Variants in IGF1R observed in about 807,000 individuals in gnomAD.
IGF1R encodes the protein insulin-like growth factor 1 receptor.
A neutral mutation model predicts 144.6 loss-of-function variants in IGF1R; 44 were observed. The observed-to-expected ratio is 0.30, with a 90% CI of 0.24 to 0.39. The LOEUF (loss-of-function observed/expected upper bound fraction) is 0.39. Among genes scored for constraint, IGF1R ranks in the 10% least tolerant of loss-of-function variants. The pLI, the probability that IGF1R is intolerant of heterozygous loss-of-function variation, is 1.00. For synonymous variants in IGF1R, 795 were observed against 722.8 expected, an observed-to-expected ratio of 1.10 and a Z score of -1.60; for missense variants, 1,355 against 1,833.7, an observed-to-expected ratio of 0.74 and a Z score of 4.77.
At chr15:98,697,908 T>C (rs967449941) in intron 1 of IGF1R, among the ~76,000 whole-genome samples, 1 of 151,480 alleles carries the variant, frequency 6.6e-6, no homozygotes, top group African/African-American at 2.4e-5. Context: ...TGGCTAACTT[T>C]TGTATTGTTA....
At chr15:98,830,083 C>G (rs1172819201) in intron 2 of IGF1R, among the ~76,000 whole-genome samples, 1 of 152,202 alleles carries the variant, frequency 6.6e-6, no homozygotes, top group Non-Finnish European at 1.5e-5. Context: ...CCTGCTGTGT[C>G]CCAACCTGGA....
chr15:98,668,902 G>A (rs1596161357), intron 1 of IGF1R, among the ~76,000 whole-genome samples: 1 of 152,226 alleles, frequency 6.6e-6, no homozygotes, highest in East Asian at 1.9e-4. Flanking sequence ...AGAGCCCTCA[G>A]TAGTACTTTT....
chr15:98,830,750 T>C (rs2056987226), intron 2 of IGF1R, among the ~76,000 whole-genome samples: 1 of 152,060 alleles, frequency 6.6e-6, no homozygotes, highest in African/African-American at 2.4e-5. Flanking sequence ...ATTACAGGTG[T>C]GCGCCACCAC....
chr15:98,856,455 A>G (rs2011823765), intron 2 of IGF1R, among the ~76,000 whole-genome samples: 2 of 152,236 alleles, frequency 1.3e-5, no homozygotes, highest in African/African-American at 2.4e-5. Flanking sequence ...GCAATAGCAT[A>G]TGTAAAACAC....
chr15:98,841,379 A>AT (rs1193416168), intron 2 of IGF1R, among the ~76,000 whole-genome samples: 1 of 152,238 alleles, frequency 6.6e-6, no homozygotes, highest in Non-Finnish European at 1.5e-5. Flanking sequence ...AGTATGGAAA[A>AT]TAATTGCATC....
At chr15:98,818,762 G>A (rs1036061802) in intron 2 of IGF1R, among the ~76,000 whole-genome samples, 2 of 111,104 alleles carry the variant, frequency 1.8e-5, no homozygotes, top group Non-Finnish European at 3.5e-5. Context: ...CCCTAGTCAT[G>A]ACAATCAAAA....
intron 15 of IGF1R, among the ~76,000 whole-genome samples, chr15:98,933,419 C>T (rs1045510849): frequency 7.9e-5 from 12 of 152,116 alleles, no homozygotes; most frequent in Admixed American, 1.3e-4. Context: ...TCTCAGCTCC[C>T]AGTAGCCTCA....
rs147027099 is a variant in IGF1R at position 98,922,266 on chromosome 15, G to A, written c.2320G>A (p.Glu774Lys). The A allele has an allele frequency of 2.5e-6, 4 of 1,614,214 alleles. No individual in the cohort carries two copies. In the South Asian group the frequency reaches 3.3e-5, roughly 13 times the overall value. The change falls in exon 11 of 21, where the codon GAG becomes AAG. Residue 774 changes from glutamate to lysine, a missense_variant. Physicochemically the swap from Glu to Lys is moderately conservative, Grantham distance 56. This residue lies in a region of IGF1R where 880 missense variants were observed against 1,202.7 expected (regional missense o/e 0.73). Transcript: ENST00000650285. ...CACCGACCCGGAAGAGCTGGAGACA[G>A]AGTACCCTTTCTTTGAGAGCAGAGT... Reference protein sequence around the residue: ...NITDPEELETEYPFFESRVDN... With the variant: ...NITDPEELETKYPFFESRVDN...
At chr15:98,728,777 G>T (rs941629287) in intron 2 of IGF1R, among the ~76,000 whole-genome samples, 3 of 152,244 alleles carry the variant, frequency 2.0e-5, no homozygotes, top group Non-Finnish European at 2.9e-5. Context: ...TTTTTAAGTG[G>T]CTTCCTTTCC....
At chr15:98,865,721 C>T (rs2012400702) in intron 2 of IGF1R, among the ~76,000 whole-genome samples, 2 of 152,190 alleles carry the variant, frequency 1.3e-5, no homozygotes, top group South Asian at 2.1e-4. Flanking sequence ...CCTAGCAGAA[C>T]GCGGTTTCGA....
Position 98,649,008 on chromosome 15 carries a change from A to T in IGF1R, c.-574A>T, listed in dbSNP as rs1334750121. On this transcript the variant is annotated 5_prime_UTR_variant, in exon 1 of 21. Coordinates refer to ENST00000650285, the MANE Select transcript of IGF1R (RefSeq NM_000875.5). The stretch of plus-strand genomic sequence containing the variant: ...GCCGCGGCGGCGGCGGCGCTGAGGG[A>T]GGAGGCGGCGGCGAGCGGAGCCAGG... 13 of 209,352 alleles carry T rather than the reference A, an allele frequency of 6.2e-5. No homozygotes were observed. The highest frequency in any genetic ancestry group is 1.7e-4 in the South Asian group (1 of 5,794). 13.0% of individuals were successfully genotyped at this position (209,352 alleles called of 1,614,324 possible).
chr15:98,795,227 A>G (rs1420177663), intron 2 of IGF1R, among the ~76,000 whole-genome samples: 1 of 152,248 alleles, frequency 6.6e-6, no homozygotes, highest in African/African-American at 2.4e-5. Context: ...GAAAGAGGGT[A>G]GGAAAGGAAA....
Position 98,962,682 on chromosome 15 carries a change from C to G in IGF1R, c.*5240C>G, listed in dbSNP as rs559172824. 4.3e-6 allele frequency: 1 copy of G among 233,784 alleles called. No homozygotes were observed. Among genetic ancestry groups the G allele is most frequent in the East Asian group, 6.0e-5 (1 of 16,594 alleles). The allele number at this position is 233,784 out of a possible 1,614,324, so 14.5% of individuals were successfully genotyped here. ...GGGATCCTGGCACAGAGAAGAGTTA[C>G]GAGCAGCAGGGTGCAGGGCTTGGAA... On this transcript the variant is annotated 3_prime_UTR_variant, in exon 21 of 21. Coordinates refer to ENST00000650285, the MANE Select transcript of IGF1R (RefSeq NM_000875.5).
intron 2 of IGF1R, among the ~76,000 whole-genome samples, chr15:98,880,493 C>G (rs1427883916): frequency 6.6e-6 from 1 of 152,182 alleles, no homozygotes; most frequent in Non-Finnish European, 1.5e-5. Flanking sequence ...ATTAAGTGTT[C>G]ACAGATACAT....
At chr15:98,749,887 C>CT (rs57470280) in intron 2 of IGF1R, among the ~76,000 whole-genome samples, 4,702 of 138,076 alleles carry the variant, frequency 0.034, 214 homozygotes, top group East Asian at 0.15. Context: ...TATTTTTAGG[C>CT]TTTTTTTTTT....
At chr15:98,835,309 A>G (rs1337552461) in intron 2 of IGF1R, among the ~76,000 whole-genome samples, 1 of 152,212 alleles carries the variant, frequency 6.6e-6, no homozygotes, top group Non-Finnish European at 1.5e-5. Flanking sequence ...GTAGGGGACT[A>G]GATGGAAAGA....
Position 98,948,634 on chromosome 15 carries a change from G to T in IGF1R, c.3648G>T (p.Leu1216Phe). ...ATLAEQPYQG[L>F]SNEQVLRFVM... ...TGGCCGAGCAGCCCTACCAGGGCTT[G>T]TCCAACGAGCAAGTCCTTCGCTTCG... is the stretch of plus-strand genomic sequence containing the variant. The change falls in exon 20 of 21, where the codon TTG (leucine) becomes TTT (phenylalanine). Residue 1216 changes from leucine to phenylalanine, a missense_variant. Coordinates refer to ENST00000650285, the MANE Select transcript of IGF1R (RefSeq NM_000875.5). 1 of 1,614,196 alleles carries T rather than the reference G, an allele frequency of 6.2e-7. No homozygotes were observed. The highest frequency in any genetic ancestry group is 8.5e-7 in the Non-Finnish European group (1 of 1,180,008).
chr15:98,649,852 C>T (rs576156978), intron 1 of IGF1R, among the ~76,000 whole-genome samples, 177 bp downstream of exon 1: 2 of 152,118 alleles, frequency 1.3e-5, no homozygotes, highest in African/African-American at 2.4e-5. Context: ...ACCCGGGACC[C>T]GGGCTCGTTC....
rs568841543 is a variant in IGF1R, at chr15:98,964,276, G to A, written c.*6834G>A. 8 of 232,296 alleles carry A rather than the reference G, an allele frequency of 3.4e-5. No individual in the cohort carries two copies. In the South Asian group the frequency reaches 1.3e-3, roughly 37 times the overall value. 14.4% of individuals were successfully genotyped at this position (232,296 alleles called of 1,614,324 possible). A position where few individuals can be genotyped will look rare whatever the true frequency, so the allele number is the denominator to read the frequency against. On this transcript the variant is annotated 3_prime_UTR_variant, in exon 21 of 21. Transcript: ENST00000650285. ...AATTTGTTACATAAAATGACTTTCTGTGTATAAATTATTCCTAAAAAATCC... is the reference window on the plus strand; with the variant it reads ...AATTTGTTACATAAAATGACTTTCTATGTATAAATTATTCCTAAAAAATCC...
Sources: gnomAD v4.1 joint callset for allele counts (sites outside exome capture counted in the v4.1 genomes callset) on GRCh38, gnomAD v4.1.1 for gene constraint, gnomAD v4.1.1 regional missense constraint, MANE v1.5 for transcripts, NCBI Gene and HGNC (gene_info 2026-07-23, HGNC 2026-07-21) for gene names.